Variants in JAK2 observed in about 807,000 individuals in gnomAD.
The protein encoded by JAK2 is Janus kinase 2, also known as tyrosine-protein kinase JAK2.
In JAK2, 86 loss-of-function variants were observed where a neutral mutation model predicts 139.3. The observed-to-expected ratio is 0.62, with a 90% CI of 0.52 to 0.74. The LOEUF (loss-of-function observed/expected upper bound fraction) is 0.74. JAK2 is among the 30% of genes least tolerant of loss of function. The pLI, the probability that JAK2 is intolerant of heterozygous loss-of-function variation, is 0.00. For synonymous variants in JAK2, 490 were observed against 437.7 expected (o/e 1.12, Z -1.49); for missense variants, 1,421 against 1,360.3 (o/e 1.04, Z -0.70).
intron 22 of JAK2, chr9:5,113,887 TTA>T: frequency 9.1e-6 from 2 of 218,870 alleles, no homozygotes; most frequent in Non-Finnish European, 9.3e-6. Flanking sequence ...CGTGAAGATC[TTA>T]CAGTCCTCCT....
chr9:5,121,773 T>C (rs1043307926), intron 22 of JAK2, among the ~76,000 whole-genome samples: 3 of 152,178 alleles, frequency 2.0e-5, no homozygotes, highest in Non-Finnish European at 2.9e-5. Flanking sequence ...TTAATTTTGT[T>C]CTTTTTAAAT....
At chr9:5,040,954 C>T (rs910839978) in intron 4 of JAK2, 1 of 508,046 alleles carries the variant, frequency 2.0e-6, no homozygotes, top group Non-Finnish European at 3.7e-6. Context: ...AGGAAAGAAT[C>T]TCTATACAAA....
chr9:5,092,122 AC>A (rs1190876470), intron 22 of JAK2, among the ~76,000 whole-genome samples: 2 of 152,088 alleles, frequency 1.3e-5, no homozygotes, highest in African/African-American at 4.8e-5. Flanking sequence ...ATACATAAAA[AC>A]GTTAGGTCAA....
chr9:5,077,572 C>A lies in JAK2; in HGVS notation c.1984C>A (p.His662Asn). ...EVAKQLAWAM[H>N]FLEENTLIHG... ...TGCTAAACAGTTGGCATGGGCCATG[C>A]ATTTTCTAGTAAGTAGTACAACCTT... Residue 662 changes from histidine (H) to asparagine (N), a missense_variant, in exon 15 of 25, where the codon CAT becomes AAT. Coordinates refer to ENST00000381652, the MANE Select transcript of JAK2 (RefSeq NM_004972.4). The A allele has an allele frequency of 6.8e-7, 1 of 1,480,308 alleles. No individual in the cohort carries two copies. Among genetic ancestry groups the A allele is most frequent in the Middle Eastern group, 2.1e-4 (1 of 4,736 alleles). 91.7% of individuals were successfully genotyped at this position (1,480,308 alleles called of 1,614,324 possible).
chr9:5,077,511 T>C lies in JAK2; in HGVS notation c.1923T>C (p.Asn641=). 5.5e-6 allele frequency: 8 copies of C among 1,452,894 alleles called. No individual in the cohort carries two copies. The highest frequency in any genetic ancestry group is 7.4e-6 in the Non-Finnish European group (8 of 1,087,216). 90.0% of individuals were successfully genotyped at this position (1,452,894 alleles called of 1,614,324 possible). The change falls in exon 15 of 25, where the codon AAT becomes AAC. Residue 641 remains asparagine (N), a synonymous_variant. Transcript: ENST00000381652. ...CACTAGATACATATCTGAAAAAGAA[T>C]AAAAATTGTATAAATATATTATGGA... ...FGSLDTYLKK[N]KNCINILWKL...
chr9:5,059,734 T>TA (rs1818025634), intron 8 of JAK2, among the ~76,000 whole-genome samples: 1 of 152,316 alleles, frequency 6.6e-6, no homozygotes, highest in Admixed American at 6.5e-5. Context: ...AAAAATGTCT[T>TA]AGTTTGTCTG....
intron 4 of JAK2, among the ~76,000 whole-genome samples, chr9:5,039,601 TAAAA>T (rs917402130): frequency 2.6e-5 from 4 of 152,038 alleles, no homozygotes; most frequent in African/African-American, 7.2e-5. Flanking sequence ...AAGGAATTAA[TAAAA>T]AAACTATTAG....
chr9:5,090,219 G>GAGTT (rs371013169), intron 20 of JAK2, among the ~76,000 whole-genome samples: 4 of 152,292 alleles, frequency 2.6e-5, no homozygotes, highest in African/African-American at 9.6e-5. Context: ...TTTGCCTGAA[G>GAGTT]AGTTATAGAA....
At chr9:5,000,758 C>A (rs1225722117) in intron 2 of JAK2, among the ~76,000 whole-genome samples, 2 of 152,040 alleles carry the variant, frequency 1.3e-5, no homozygotes, top group African/African-American at 4.8e-5. Context: ...ATTGGAGATA[C>A]CATCTTCTTG....
intron 19 of JAK2, among the ~76,000 whole-genome samples, chr9:5,088,775 A>G (rs1424455766): frequency 2.6e-5 from 4 of 152,120 alleles, no homozygotes; most frequent in Admixed American, 6.5e-5. Flanking sequence ...CACATGGGAG[A>G]GAGAGATTGC....
At chr9:5,041,206 G>T in intron 4 of JAK2, 1 of 1,463,606 alleles carries the variant, frequency 6.8e-7, no homozygotes. Flanking sequence ...TGAAGCCCGA[G>T]AACTTCCTGG....
intron 2 of JAK2, among the ~76,000 whole-genome samples, chr9:5,005,486 G>C (rs916363818): frequency 1.3e-5 from 2 of 152,170 alleles, no homozygotes; most frequent in Non-Finnish European, 1.5e-5. Context: ...ATTTCTAAAT[G>C]TTAACTTTGC....
chr9:5,093,857 G>C (rs759074142), intron 22 of JAK2, among the ~76,000 whole-genome samples: 1 of 152,126 alleles, frequency 6.6e-6, no homozygotes, highest in South Asian at 2.1e-4. Flanking sequence ...AAAGTCCTAT[G>C]TGATCTGATT....
At chr9:5,085,222 C>G (rs1233229223) in intron 19 of JAK2, 1 of 668,160 alleles carries the variant, frequency 1.5e-6, no homozygotes, top group Non-Finnish European at 2.9e-6. Context: ...GAACTGCTGA[C>G]AGGCAAATAG....
chr9:5,111,383 C>T (rs919369205), intron 22 of JAK2: 13 of 367,930 alleles, frequency 3.5e-5, no homozygotes, highest in Admixed American at 2.2e-4. Context: ...GCAGCTCTGG[C>T]GGACAGAGGC....
chr9:5,069,033 C>T lies in JAK2; in HGVS notation c.1338C>T (p.Val446=), dbSNP rs1818762776. 1.9e-6 allele frequency: 3 copies of T among 1,576,116 alleles called. No homozygotes were observed. The highest frequency in any genetic ancestry group is 2.6e-6 in the Non-Finnish European group (3 of 1,158,038). The change falls in exon 11 of 25, where the codon GTC becomes GTT. Residue 446 remains valine (V), a synonymous_variant. Transcript: ENST00000381652. ...FLTFAVEREN[V]IEYKHCLITK... Reference sequence around the variant, plus strand: ...TTAAACTTATACAGCGAGAAAATGTCATTGAATATAAACACTGTTTGATTA... The same window carrying T: ...TTAAACTTATACAGCGAGAAAATGTTATTGAATATAAACACTGTTTGATTA...
rs1824182689 is a variant in JAK2 at position 5,129,066 on chromosome 9, G to C, written c.*2275G>C. 6.6e-6 allele frequency among the ~76,000 whole-genome samples: 1 copy of C among 151,838 alleles called. No homozygotes were observed. The highest frequency in any genetic ancestry group is 2.4e-5 in the African/African-American group (1 of 41,368). ...ATGGAAGAGTGTTCTTTTAACCTAA[G>C]GCTTCTAGTTTACAGTCAAGTGTAA... is the stretch of plus-strand genomic sequence containing the variant. On this transcript the variant is annotated 3_prime_UTR_variant, in exon 25 of 25. Coordinates refer to ENST00000381652, the MANE Select transcript of JAK2 (RefSeq NM_004972.4).
intron 22 of JAK2, chr9:5,111,348 T>G: frequency 2.4e-6 from 1 of 413,808 alleles, no homozygotes; most frequent in South Asian, 2.0e-5. Flanking sequence ...GAAGGGGACC[T>G]CCCGGTACTA....
At position 5,021,966 on chromosome 9, in the gene JAK2, A is replaced by G. The variant is rs1342237468; in HGVS notation, c.-22A>G. ...ACTTTATTGTTTTCTCTTACAGGCA[A>G]ATGTTCTGAAAAAGACTCTGCATGG... On this transcript the variant is annotated 5_prime_UTR_variant, in exon 3 of 25. Transcript: ENST00000381652. 2.6e-6 allele frequency: 4 copies of G among 1,565,308 alleles called. No homozygotes were observed. Among genetic ancestry groups the G allele is most frequent in the Non-Finnish European group, 1.8e-6 (2 of 1,136,550 alleles).
Sources: gnomAD v4.1 joint callset for allele counts (sites outside exome capture counted in the v4.1 genomes callset) on GRCh38, gnomAD v4.1.1 for gene constraint, MANE v1.5 for transcripts, NCBI Gene and HGNC (gene_info 2026-07-23, HGNC 2026-07-21) for gene names.